The following RBBP6 variants were observed in gnomAD, a reference collection of about 807,000 sequenced individuals.
The protein encoded by RBBP6 is RB binding protein 6, ubiquitin ligase, also known as E3 ubiquitin-protein ligase RBBP6.
Under a neutral mutation model 167.7 loss-of-function variants are expected in RBBP6, and 25 were observed. The ratio of observed to expected loss-of-function variants is 0.15; its 90% CI spans 0.11 to 0.21. The LOEUF is 0.21. Among genes scored for constraint, RBBP6 ranks in the 10% least tolerant of loss-of-function variants. The pLI is 1.00. For missense variants in RBBP6, 1,868 were observed against 2,134.2 expected (o/e 0.88, Z 2.46); for synonymous variants, 789 against 735.8 (o/e 1.07, Z -1.17).
At position 24,569,151 on chromosome 16, in the gene RBBP6, C is replaced by G; in HGVS notation, c.2461C>G (p.Pro821Ala). Residue 821 changes from proline to alanine, a missense_variant, in exon 17 of 18, where the codon CCA becomes GCA. Physicochemically the swap from Pro to Ala is conservative, Grantham distance 27 (BLOSUM62 -1). This residue lies in a region of RBBP6 where 673 missense variants were observed against 691.5 expected (regional missense o/e 0.97). Transcript: ENST00000319715. ...TGGGAGAAGTGTTGACTTTAGAGAC[C>G]CATTTGAAAAAGAACGCTACCGAGA... ...YYGRSVDFRD[P>A]FEKERYREWE... The G allele has an allele frequency of 6.2e-7, 1 of 1,610,626 alleles. No individual in the cohort carries two copies. The highest frequency in any genetic ancestry group is 8.5e-7 in the Non-Finnish European group (1 of 1,179,066).
intron 16 of RBBP6, 110 bp downstream of exon 16, chr16:24,568,003 C>A: frequency 1.2e-6 from 1 of 856,580 alleles, no homozygotes; most frequent in Non-Finnish European, 1.9e-6. Context: ...CTGATTCGGT[C>A]TAGGTGTATA....
In RBBP6 at chr16:24,570,198, C is replaced by G. The variant is rs747552821; in HGVS notation, c.3508C>G (p.Leu1170Val). Residue 1170 changes from leucine (L) to valine (V), a missense_variant, in exon 17 of 18, where the codon CTA becomes GTA. By Grantham distance (32) the Leu-to-Val change is conservative. Coordinates refer to ENST00000319715, the MANE Select transcript of RBBP6 (RefSeq NM_006910.5). ...FESSSMKISK[L>V]EVTEIVKPSP... is the part of the protein sequence containing the mutation. ...GTCTTCTTCAATGAAAATCTCGAAA[C>G]TAGAAGTGACTGAAATAGTGAAACC... The G allele has an allele frequency of 6.2e-7, 1 of 1,609,290 alleles. No individual in the cohort carries two copies.
chr16:24,555,631 A>G lies in RBBP6; in HGVS notation c.365A>G (p.Glu122Gly). ...GTTAAACAGACTGCCAATCTGGCTGAAGCCAATGCTTCTGAAGAAGATAAA... is the reference window on the plus strand; with the variant it reads ...GTTAAACAGACTGCCAATCTGGCTGGAGCCAATGCTTCTGAAGAAGATAAA... The part of the protein sequence containing the change: ...AQLTKTANLA[E>G]ANASEEDKIK... Residue 122 changes from glutamate (E) to glycine (G), a missense_variant, in exon 5 of 18, where the codon GAA becomes GGA. Physicochemically the swap from Glu to Gly is moderately conservative, Grantham distance 98. This residue lies in a region of RBBP6 where 184 missense variants were observed against 327.7 expected (regional missense o/e 0.56). Coordinates refer to ENST00000319715, the MANE Select transcript of RBBP6 (RefSeq NM_006910.5). 6.2e-7 allele frequency: 1 copy of G among 1,611,668 alleles called. No homozygotes were observed. Among genetic ancestry groups the G allele is most frequent in the Non-Finnish European group, 8.5e-7 (1 of 1,179,406 alleles).
At position 24,539,785 on chromosome 16, in the gene RBBP6, G is replaced by A. The variant is rs1898434436; in HGVS notation, c.-842G>A. The A allele has an allele frequency of 6.6e-6, 1 of 152,256 alleles. No individual in the cohort carries two copies. The highest frequency in any genetic ancestry group is 6.5e-5 in the Admixed American group (1 of 15,282). 9.4% of individuals were successfully genotyped at this position (152,256 alleles called of 1,614,324 possible). On this transcript the variant is annotated 5_prime_UTR_variant, in exon 1 of 18. Coordinates refer to ENST00000319715, the MANE Select transcript of RBBP6 (RefSeq NM_006910.5). ...GCGAGCGAAGCGCGGAGGATCCGGC[G>A]AGAAGAAGCGTCAGGGAGCCTCGGC...
chr16:24,543,595 TGCCTG>T (rs1196599246), intron 1 of RBBP6, among the ~76,000 whole-genome samples: 1 of 152,158 alleles, frequency 6.6e-6, no homozygotes, highest in Non-Finnish European at 1.5e-5. Context: ...TGAGCCACTG[TGCCTG>T]GCATAGGACC....
rs779078129 is a variant in RBBP6 at position 24,568,784 on chromosome 16, T to C, written c.2094T>C (p.Ser698=). 3.1e-6 allele frequency: 5 copies of C among 1,614,198 alleles called. No homozygotes were observed. The highest frequency in any genetic ancestry group is 2.2e-5 in the East Asian group (1 of 44,890). Residue 698 remains serine, a synonymous_variant, in exon 17 of 18, where the codon AGT becomes AGC. Transcript: ENST00000319715. The part of the protein sequence containing the change: ...SPYSGSSYSR[S]SYTYSKSRSG... ...ATAGTGGTTCTTCGTATTCAAGAAG[T>C]TCATATACTTATTCTAAATCAAGAT... is the stretch of plus-strand genomic sequence containing the variant.
At position 24,563,511 on chromosome 16, in the gene RBBP6, A is replaced by AT. The variant is rs779604307; in HGVS notation, c.1465+11dup. 6.2e-7 allele frequency: 1 copy of AT among 1,613,028 alleles called. No homozygotes were observed. Among genetic ancestry groups the AT allele is most frequent in the Non-Finnish European group, 8.5e-7 (1 of 1,179,586 alleles). On this transcript the variant is annotated intron_variant, in intron 12 of 17. Coordinates refer to ENST00000319715, the MANE Select transcript of RBBP6 (RefSeq NM_006910.5). ...TTGATCCCCACAACTGGTGAGTAAG[A>AT]TCACTTTGGTTTAGACCTTTTTCCC...
In RBBP6 at chr16:24,563,449, C is replaced by A; in HGVS notation, c.1413C>A (p.Thr471=). The change falls in exon 12 of 18, where the codon ACC becomes ACA. Residue 471 remains threonine, a synonymous_variant. Coordinates refer to ENST00000319715, the MANE Select transcript of RBBP6 (RefSeq NM_006910.5). ...GTTACCAGGTGCCTGTTCTTGGAAC[C>A]CCATCTTTGCTTGGACAGTCATTAT... is the stretch of plus-strand genomic sequence containing the variant. ...EKGYQVPVLG[T]PSLLGQSLLH... is the part of the protein sequence containing the mutation. 6.2e-7 allele frequency: 1 copy of A among 1,611,760 alleles called. No individual in the cohort carries two copies. Among genetic ancestry groups the A allele is most frequent in the Non-Finnish European group, 8.5e-7 (1 of 1,179,512 alleles).
intron 3 of RBBP6, 80 bp downstream of exon 3, chr16:24,549,061 G>A (rs1898734814): frequency 6.4e-7 from 1 of 1,565,420 alleles, no homozygotes; most frequent in Non-Finnish European, 8.7e-7. Flanking sequence ...AATCATTTTA[G>A]AACTTAATAT....
chr16:24,563,233 C>G lies in RBBP6; in HGVS notation c.1324C>G (p.Leu442Val), dbSNP rs771495880. The part of the protein sequence containing the change: ...SDNKILPAAA[L>V]ASEHSKGTSS... ...TAATAAAATATTGCCAGCTGCAGCT[C>G]TTGCATCAGAGCACTCAAAGGGAAC... is the stretch of plus-strand genomic sequence containing the variant. The change falls in exon 11 of 18, where the codon CTT (leucine) becomes GTT (valine). Residue 442 changes from leucine to valine, a missense_variant. Leu to Val is a conservative substitution (Grantham distance 32). This residue lies in a region of RBBP6 where 245 missense variants were observed against 240.1 expected (regional missense o/e 1.02). Transcript: ENST00000319715. 7 of 1,610,420 alleles carry G rather than the reference C, an allele frequency of 4.3e-6. No individual in the cohort carries two copies. The African/African-American group carries it at 8.0e-5, about 18-fold the overall frequency.
Position 24,562,055 on chromosome 16 carries a change from G to A in RBBP6, c.1183G>A (p.Ala395Thr). ...ATTAACTTCTAATCAGTCTTCCTTG[G>A]CCCCTCCTGTGTCTGGAAATCCGTC... ...SSLTSNQSSLAPPVSGNPSSA... is the reference protein window; with the variant it reads ...SSLTSNQSSLTPPVSGNPSSA... Residue 395 changes from alanine to threonine, a missense_variant, in exon 10 of 18, where the codon GCC becomes ACC. By Grantham distance (58) the Ala-to-Thr change is moderately conservative. This residue lies in a region of RBBP6 where 245 missense variants were observed against 240.1 expected (regional missense o/e 1.02). Transcript: ENST00000319715. 6.2e-7 allele frequency: 1 copy of A among 1,612,688 alleles called. No individual in the cohort carries two copies. Among genetic ancestry groups the A allele is most frequent in the African/African-American group, 1.3e-5 (1 of 74,974 alleles).
chr16:24,567,626 A>C, intron 15 of RBBP6, 121 bp downstream of exon 15: 6 of 1,349,102 alleles, frequency 4.4e-6, no homozygotes, highest in Non-Finnish European at 6.0e-6. Context: ...CCTAAAATTT[A>C]AACCAAAGCC....
At position 24,571,213 on chromosome 16, in the gene RBBP6, G is replaced by C; in HGVS notation, c.4147G>C (p.Glu1383Gln). ...IQKFTKDVSHEIIQHEVKSSK... is the reference protein window; with the variant it reads ...IQKFTKDVSHQIIQHEVKSSK... ...GAAATTCACCAAGGACGTGAGCCAT[G>C]AAATCATACAACATGAGGTTAAAAG... The change falls in exon 18 of 18, where the codon GAA becomes CAA. Residue 1383 changes from glutamate to glutamine, a missense_variant. This residue lies in a region of RBBP6 where 591 missense variants were observed against 540.5 expected (regional missense o/e 1.09). Transcript: ENST00000319715. 6.2e-7 allele frequency: 1 copy of C among 1,613,770 alleles called. No individual in the cohort carries two copies. The highest frequency in any genetic ancestry group is 8.5e-7 in the Non-Finnish European group (1 of 1,179,912).
At chr16:24,570,690 A>C (rs1899305212) in intron 17 of RBBP6, among the ~76,000 whole-genome samples, 186 bp from the exon 18 acceptor site, 1 of 152,100 alleles carries the variant, frequency 6.6e-6, no homozygotes, top group South Asian at 2.1e-4. Context: ...TTTGGGGGTG[A>C]GCCACATTTG....
chr16:24,564,363 C>T (rs544181226), intron 13 of RBBP6, among the ~76,000 whole-genome samples: 2 of 152,236 alleles, frequency 1.3e-5, no homozygotes, highest in South Asian at 4.1e-4. Context: ...TCCTTCATTT[C>T]CTAGCTGCAT....
At chr16:24,553,800 T>G (rs9937985) in intron 4 of RBBP6, 75,228 of 275,944 alleles carry the variant, frequency 0.27, 10,483 homozygotes, top group Admixed American at 0.34. Context: ...CTACACTTAA[T>G]TATTTTTTTT....
rs775884329 is a variant in RBBP6, at chr16:24,555,790, G to C, written c.438-31G>C. On this transcript the variant is annotated intron_variant, in intron 5 of 17. Coordinates refer to ENST00000319715, the MANE Select transcript of RBBP6 (RefSeq NM_006910.5). ...AAAGCACTATTTTTTCAAAGTCCTC[G>C]TATACATGTAATTTTTTTTCCCCCT... 15 of 1,583,282 alleles carry C rather than the reference G, an allele frequency of 9.5e-6. No individual in the cohort carries two copies. The East Asian group carries it at 2.9e-4, about 31-fold the overall frequency.
intron 8 of RBBP6, among the ~76,000 whole-genome samples, 168 bp from the exon 9 acceptor site, chr16:24,561,444 G>GT (rs1899053001): frequency 6.6e-6 from 1 of 152,186 alleles, no homozygotes; most frequent in South Asian, 2.1e-4. Flanking sequence ...GAGGAGTACT[G>GT]TAAGATGAGA....
At position 24,568,875 on chromosome 16, in the gene RBBP6, C is replaced by A. The variant is rs780334990; in HGVS notation, c.2185C>A (p.Arg729=). 2.5e-6 allele frequency: 4 copies of A among 1,614,208 alleles called. No individual in the cohort carries two copies. The South Asian group carries it at 4.4e-5, about 18-fold the overall frequency. Residue 729 remains arginine, a synonymous_variant, in exon 17 of 18, where the codon CGG becomes AGG. Coordinates refer to ENST00000319715, the MANE Select transcript of RBBP6 (RefSeq NM_006910.5). ...FSRSHSRSYS[R]SPPYPRRGRG... ...CCGCTCACATTCTCGTTCCTATTCA[C>A]GGTCACCTCCATACCCCAGAAGAGG...
Sources: allele counts gnomAD v4.1 joint callset (sites outside exome capture counted in the v4.1 genomes callset), GRCh38; gene constraint gnomAD v4.1.1; regional missense constraint gnomAD v4.1.1; transcripts MANE v1.5; gene names NCBI Gene and HGNC (gene_info 2026-07-23, HGNC 2026-07-21).